The following GNAZ variants were observed in gnomAD, a reference collection of about 807,000 sequenced individuals.
The protein encoded by GNAZ is guanine nucleotide-binding protein G(z) subunit alpha.
Under a neutral mutation model 25.4 loss-of-function variants are expected in GNAZ, and 3 were observed. The ratio of observed to expected loss-of-function variants is 0.12; its 90% CI spans 0.05 to 0.30. The LOEUF is 0.30. Ranked by LOEUF, GNAZ falls within the 10% of genes least tolerant of loss-of-function variation. GNAZ has a pLI of 1.00. For missense variants in GNAZ, 241 were observed against 501.8 expected, an observed-to-expected ratio of 0.48 and a Z score of 4.97; for synonymous variants, 211 against 205.7, an observed-to-expected ratio of 1.03 and a Z score of -0.22.
intron 1 of GNAZ, among the ~76,000 whole-genome samples, chr22:23,073,502 T>C (rs2068427709): frequency 6.6e-6 from 1 of 152,096 alleles, no homozygotes; most frequent in African/African-American, 2.4e-5. Flanking sequence ...CCATCCTAGG[T>C]CCAGCCCCTT....
intron 1 of GNAZ, among the ~76,000 whole-genome samples, chr22:23,077,113 C>T (rs1198648171): frequency 2.0e-5 from 3 of 152,102 alleles, no homozygotes; most frequent in African/African-American, 2.4e-5. Flanking sequence ...GCAGCGGGCA[C>T]GGGAGGCAGG....
At chr22:23,105,396 C>T (rs2069436710) in intron 2 of GNAZ, among the ~76,000 whole-genome samples, 1 of 152,212 alleles carries the variant, frequency 6.6e-6, no homozygotes, top group Non-Finnish European at 1.5e-5. Context: ...AGAGGTTCCC[C>T]ACTGGGATCT....
chr22:23,078,092 C>T (rs2068555683), intron 1 of GNAZ, among the ~76,000 whole-genome samples: 1 of 152,228 alleles, frequency 6.6e-6, no homozygotes, highest in South Asian at 2.1e-4. Flanking sequence ...TACCAGGACC[C>T]CTGCTGGTGA....
chr22:23,117,998 C>T (rs1375093696), intron 2 of GNAZ, among the ~76,000 whole-genome samples: 1 of 152,188 alleles, frequency 6.6e-6, no homozygotes, highest in Non-Finnish European at 1.5e-5. Context: ...CTGGCAGCCA[C>T]GTTCAGGGGA....
chr22:23,111,849 TGGCAGTG>T (rs769897329), intron 2 of GNAZ, among the ~76,000 whole-genome samples: 1 of 152,182 alleles, frequency 6.6e-6, no homozygotes, highest in Non-Finnish European at 1.5e-5. Flanking sequence ...CAGATCCCGG[TGGCAGTG>T]GGCAGTGGGC....
chr22:23,106,770 C>T (rs2069492942), intron 2 of GNAZ, among the ~76,000 whole-genome samples: 1 of 152,244 alleles, frequency 6.6e-6, no homozygotes, highest in Non-Finnish European at 1.5e-5. Flanking sequence ...CCCGAAGGGG[C>T]TCCCCACCAC....
chr22:23,072,866 G>A (rs2068414058), intron 1 of GNAZ, among the ~76,000 whole-genome samples: 2 of 152,238 alleles, frequency 1.3e-5, no homozygotes, highest in African/African-American at 4.8e-5. Context: ...AGAACCTGGT[G>A]CAGGAGTATG....
At chr22:23,114,320 G>A (rs929776019) in intron 2 of GNAZ, among the ~76,000 whole-genome samples, 30 of 152,240 alleles carry the variant, frequency 2.0e-4, no homozygotes, top group African/African-American at 6.8e-4. Flanking sequence ...GAGCTTCTCA[G>A]TCTGTAACAG....
chr22:23,084,884 T>C (rs1023303209), intron 1 of GNAZ, among the ~76,000 whole-genome samples: 1 of 152,216 alleles, frequency 6.6e-6, no homozygotes, highest in African/African-American at 2.4e-5. Flanking sequence ...TGCGGTTTTG[T>C]GGTCACCCTA....
At chr22:23,080,542 G>C (rs1187845337) in intron 1 of GNAZ, among the ~76,000 whole-genome samples, 2 of 152,238 alleles carry the variant, frequency 1.3e-5, no homozygotes, top group Non-Finnish European at 2.9e-5. Flanking sequence ...AGGAGGCAAA[G>C]AAAGGAGGAC....
intron 1 of GNAZ, among the ~76,000 whole-genome samples, chr22:23,084,845 C>T (rs571976845): frequency 6.6e-6 from 1 of 152,360 alleles, no homozygotes; most frequent in Admixed American, 6.5e-5. Flanking sequence ...GACACCAACC[C>T]TGGCTCACTT....
Position 23,124,382 on chromosome 22 carries a change from G to T in GNAZ, c.*951G>T, listed in dbSNP as rs994795528. 7.3e-5 allele frequency: 34 copies of T among 468,188 alleles called. No individual in the cohort carries two copies. Among genetic ancestry groups the T allele is most frequent in the Middle Eastern group, 3.3e-4 (1 of 3,066 alleles). 29.0% of individuals were successfully genotyped at this position (468,188 alleles called of 1,614,324 possible). On this transcript the variant is annotated 3_prime_UTR_variant, in exon 3 of 3. Coordinates refer to ENST00000615612, the MANE Select transcript of GNAZ (RefSeq NM_002073.4). The stretch of plus-strand genomic sequence containing the variant: ...TGAGTGTAAAAGTTGTTATCTGGAC[G>T]ATCTGTCTCTCTGCTCCAAAGAAAT...
Position 23,071,393 on chromosome 22 carries a change from C to T in GNAZ, c.-450+823C>T, listed in dbSNP as rs1250302848. Reference sequence around the variant, plus strand: ...ACAAGAGGATGATGCCAAGCGAGACCAGCGTTCCGCGTAGTCCGTGTTGGG... The same window carrying T: ...ACAAGAGGATGATGCCAAGCGAGACTAGCGTTCCGCGTAGTCCGTGTTGGG... On this transcript the variant is annotated intron_variant, in intron 1 of 2. Transcript: ENST00000615612. This position sits in a 1 kb window ranked among gnomAD's most constrained non-coding sequence, Gnocchi z 4.1. 6.6e-6 allele frequency among the ~76,000 whole-genome samples: 1 copy of T among 152,200 alleles called. No individual in the cohort carries two copies. The highest frequency in any genetic ancestry group is 1.5e-5 in the Non-Finnish European group (1 of 68,042).
chr22:23,086,883 C>T lies in GNAZ; in HGVS notation c.-449-8364C>T, dbSNP rs111638943. On this transcript the variant is annotated intron_variant, in intron 1 of 2. Coordinates refer to ENST00000615612, the MANE Select transcript of GNAZ (RefSeq NM_002073.4). ...CTCCTCAGCAACAGAGAGCTGCCAC[C>T]GAGGAGGCCCCTACAGGTCCAGGCC... Among the ~76,000 whole-genome samples the T allele has an allele frequency of 4.4e-3, 669 of 152,290 alleles. 7 individuals carry two copies. Among genetic ancestry groups the T allele is most frequent in the African/African-American group, 0.015 (638 of 41,562 alleles).
At position 23,093,336 on chromosome 22, in the gene GNAZ, T is replaced by C. The variant is rs183914311; in HGVS notation, c.-449-1911T>C. 2.6e-5 allele frequency among the ~76,000 whole-genome samples: 4 copies of C among 152,288 alleles called. No individual in the cohort carries two copies. In the East Asian group the frequency reaches 5.8e-4, roughly 22 times the overall value. On this transcript the variant is annotated intron_variant, in intron 1 of 2. Coordinates refer to ENST00000615612, the MANE Select transcript of GNAZ (RefSeq NM_002073.4). ...GCGGGAAAGTTCCTCAGCCTCTCCA[T>C]TGATTCCTTCCCTCCCTCCCTCCTT...
chr22:23,110,175 C>T (rs887526185), intron 2 of GNAZ, among the ~76,000 whole-genome samples: 1 of 152,096 alleles, frequency 6.6e-6, no homozygotes, highest in Non-Finnish European at 1.5e-5. Flanking sequence ...TTCCTTGGGG[C>T]AAGGGTAGTG....
At chr22:23,072,120 GCTT>G (rs1200700975) in intron 1 of GNAZ, among the ~76,000 whole-genome samples, 1 of 152,186 alleles carries the variant, frequency 6.6e-6, no homozygotes, top group Admixed American at 6.5e-5. Flanking sequence ...CTGAGACTGT[GCTT>G]CCAGGCACTT....
rs1007269133 is a variant in GNAZ at position 23,114,616 on chromosome 22, G to A, written c.724-8471G>A. 8.5e-5 allele frequency among the ~76,000 whole-genome samples: 13 copies of A among 152,330 alleles called. 1 individual carries two copies. The highest frequency in any genetic ancestry group is 3.1e-4 in the African/African-American group (13 of 41,562). ...CAGCTGCTCACAGTCACTTGTGCCT[G>A]GGTGTGGGGACTAAGCTGTCCATGT... On this transcript the variant is annotated intron_variant, in intron 2 of 2. Coordinates refer to ENST00000615612, the MANE Select transcript of GNAZ (RefSeq NM_002073.4).
intron 2 of GNAZ, among the ~76,000 whole-genome samples, chr22:23,115,397 C>A (rs1260673224): frequency 6.6e-6 from 1 of 152,170 alleles, no homozygotes; most frequent in African/African-American, 2.4e-5. Flanking sequence ...CCCACCATCT[C>A]TGGGGTGTGT....
Sources: allele counts gnomAD v4.1 joint callset (sites outside exome capture counted in the v4.1 genomes callset), GRCh38; gene constraint gnomAD v4.1.1; non-coding constraint Gnocchi (gnomAD v3.1); transcripts MANE v1.5; gene names NCBI Gene and HGNC (gene_info 2026-07-23, HGNC 2026-07-21).